VAT1L: variants seen among roughly 807,000 people sequenced by gnomAD.
VAT1L encodes the protein vesicle amine transport 1 like.
Under a neutral mutation model 44.1 loss-of-function variants are expected in VAT1L, and 34 were observed. The ratio of observed to expected loss-of-function variants is 0.77; its 90% CI spans 0.59 to 1.03. The LOEUF is 1.03. Among genes scored for constraint, VAT1L ranks in the 50% least tolerant of loss-of-function variants. The pLI, the probability that VAT1L is intolerant of heterozygous loss-of-function variation, is 0.00. For missense variants in VAT1L, 615 were observed against 538.8 expected, an observed-to-expected ratio of 1.14 and a Z score of -1.40; for synonymous variants, 253 against 202.2, an observed-to-expected ratio of 1.25 and a Z score of -2.13.
intron 1 of VAT1L, among the ~76,000 whole-genome samples, chr16:77,789,462 G>C (rs1226127113): frequency 6.6e-6 from 1 of 152,144 alleles, no homozygotes; most frequent in Non-Finnish European, 1.5e-5. Flanking sequence ...TGGCTTGGCC[G>C]GGAATTTGAT....
At chr16:77,863,423 C>G (rs1416848263) in intron 4 of VAT1L, among the ~76,000 whole-genome samples, 2 of 152,224 alleles carry the variant, frequency 1.3e-5, no homozygotes, top group Admixed American at 1.3e-4. Flanking sequence ...CTACGCCTTA[C>G]TGAAAGCAAA....
At chr16:77,802,615 A>AACACACACACAC (rs57906062) in intron 1 of VAT1L, among the ~76,000 whole-genome samples, 3 of 111,972 alleles carry the variant, frequency 2.7e-5, no homozygotes, top group South Asian at 2.9e-4. Flanking sequence ...CCCCATCTCA[A>AACACACACACAC]ACACACACAC....
chr16:77,897,539 C>T (rs1567501780), intron 7 of VAT1L, among the ~76,000 whole-genome samples: 1 of 152,198 alleles, frequency 6.6e-6, no homozygotes. Context: ...GGTGCAATCT[C>T]GGCTCACTGC....
chr16:77,960,399 G>A (rs2018148655), intron 7 of VAT1L, among the ~76,000 whole-genome samples: 1 of 152,112 alleles, frequency 6.6e-6, no homozygotes, highest in South Asian at 2.1e-4. Flanking sequence ...CAGGGATGTT[G>A]AGATGCCCAG....
intron 7 of VAT1L, among the ~76,000 whole-genome samples, chr16:77,958,521 C>T (rs2018128116): frequency 6.6e-6 from 1 of 152,164 alleles, no homozygotes; most frequent in South Asian, 2.1e-4. Flanking sequence ...TTCAACCACC[C>T]AAATCCAGCA....
chr16:77,905,094 T>C (rs2017424963), intron 7 of VAT1L, among the ~76,000 whole-genome samples: 1 of 152,208 alleles, frequency 6.6e-6, no homozygotes, highest in East Asian at 1.9e-4. Context: ...ATCTGACTAA[T>C]GTGGTTATGA....
At chr16:77,913,856 T>G (rs1442660870) in intron 7 of VAT1L, among the ~76,000 whole-genome samples, 1 of 152,152 alleles carries the variant, frequency 6.6e-6, no homozygotes, top group Non-Finnish European at 1.5e-5. Context: ...GGATGTAAGT[T>G]AGGGGAGGTG....
intron 3 of VAT1L, among the ~76,000 whole-genome samples, chr16:77,862,008 C>A (rs2142442319): frequency 6.6e-6 from 1 of 152,342 alleles, no homozygotes; most frequent in South Asian, 2.1e-4. Flanking sequence ...AAATCGTTAT[C>A]TTAGGTTCGG....
chr16:77,866,061 C>T (rs1296898993), intron 4 of VAT1L, among the ~76,000 whole-genome samples: 1 of 152,168 alleles, frequency 6.6e-6, no homozygotes, highest in Non-Finnish European at 1.5e-5. Flanking sequence ...TAAATAGAGA[C>T]CTTGGGATTA....
chr16:77,966,310 G>A lies in VAT1L; in HGVS notation c.1078-5540G>A, dbSNP rs1177324543. ...AGGTTGACATCACTAGCCAACTGAG[G>A]TGTGAAGGGGTAAGTGCTTGGGCGA... On this transcript the variant is annotated intron_variant, in intron 7 of 8. Coordinates refer to ENST00000302536, the MANE Select transcript of VAT1L (RefSeq NM_020927.3). Among the ~76,000 whole-genome samples, 4 of 152,292 alleles carry A rather than the reference G, an allele frequency of 2.6e-5. No homozygotes were observed. The East Asian group carries it at 7.7e-4, about 29-fold the overall frequency.
intron 7 of VAT1L, among the ~76,000 whole-genome samples, chr16:77,925,027 G>A (rs1329998860): frequency 6.6e-6 from 1 of 152,106 alleles, no homozygotes; most frequent in African/African-American, 2.4e-5. Context: ...CACCCACAAG[G>A]CTTTTGAGAA....
chr16:77,924,653 G>C (rs1025553885), intron 7 of VAT1L, among the ~76,000 whole-genome samples: 1 of 152,092 alleles, frequency 6.6e-6, no homozygotes, highest in Non-Finnish European at 1.5e-5. Context: ...GTAGAGACGG[G>C]GTTTCACCAT....
chr16:77,937,971 C>T (rs893884970), intron 7 of VAT1L, among the ~76,000 whole-genome samples: 2 of 152,214 alleles, frequency 1.3e-5, no homozygotes, highest in Non-Finnish European at 1.5e-5. Flanking sequence ...ACTGGGAAAA[C>T]GTGTTTCCTG....
intron 1 of VAT1L, among the ~76,000 whole-genome samples, chr16:77,799,166 T>C (rs1324566854): frequency 2.0e-5 from 3 of 151,926 alleles, no homozygotes; most frequent in African/African-American, 7.3e-5. Context: ...GCAAATCACA[T>C]ACCAGCCCCT....
intron 7 of VAT1L, among the ~76,000 whole-genome samples, chr16:77,960,748 G>A (rs1266265439): frequency 3.3e-5 from 5 of 152,010 alleles, no homozygotes; most frequent in African/African-American, 1.2e-4. Flanking sequence ...AGACCCCAAG[G>A]TTGCAGCCCA....
intron 3 of VAT1L, 120 bp from the exon 4 acceptor site, chr16:77,862,628 A>AAG: frequency 1.1e-6 from 1 of 892,542 alleles, no homozygotes; most frequent in East Asian, 3.2e-5. Flanking sequence ...ATCTCTAAAA[A>AAG]AAAAAAAAAA....
At chr16:77,868,958 C>T (rs1252652025) in intron 4 of VAT1L, among the ~76,000 whole-genome samples, 1 of 152,076 alleles carries the variant, frequency 6.6e-6, no homozygotes, top group African/African-American at 2.4e-5. Context: ...ATTGATGAGA[C>T]TCTTGAAAGC....
intron 7 of VAT1L, among the ~76,000 whole-genome samples, chr16:77,948,946 G>A (rs1228951818): frequency 6.6e-6 from 1 of 152,098 alleles, no homozygotes; most frequent in Admixed American, 6.5e-5. Flanking sequence ...CTAAGGGGTC[G>A]GTGTCAGCCA....
intron 1 of VAT1L, among the ~76,000 whole-genome samples, chr16:77,792,963 T>G (rs1298842928): frequency 6.6e-6 from 1 of 152,224 alleles, no homozygotes; most frequent in Non-Finnish European, 1.5e-5. Context: ...ACTTTTACTT[T>G]TGGTTGCCGT....
Sources: allele counts gnomAD v4.1 joint callset (sites outside exome capture counted in the v4.1 genomes callset), GRCh38; gene constraint gnomAD v4.1.1; transcripts MANE v1.5; gene names NCBI Gene and HGNC (gene_info 2026-07-23, HGNC 2026-07-21).